Variants in ABCG2 observed in about 807,000 individuals in gnomAD.
ABCG2 encodes the protein ATP binding cassette subfamily G member 2 (JR blood group), also known as broad substrate specificity ATP-binding cassette transporter ABCG2.
A neutral mutation model predicts 73.5 loss-of-function variants in ABCG2; 80 were observed. The observed-to-expected ratio is 1.09, with a 90% CI of 0.91 to 1.31. ABCG2 has a LOEUF of 1.31. Ranked by LOEUF, ABCG2 falls within the 50% of genes most tolerant of loss-of-function variation. The pLI is 0.00. For missense variants in ABCG2, 796 were observed against 786.2 expected (o/e 1.01, Z -0.15); for synonymous variants, 269 against 282.4 (o/e 0.95, Z 0.48).
Position 88,095,629 on chromosome 4 carries a change from A to G in ABCG2, c.1648-20T>C, listed in dbSNP as rs1721933659. 1.3e-6 allele frequency: 2 copies of G among 1,598,884 alleles called. No homozygotes were observed. The highest frequency in any genetic ancestry group is 1.7e-6 in the Non-Finnish European group (2 of 1,166,444). ...AAAAATCTACAAAAAGCAAATACTAAAAGTCAGGCCTGCTTGAGTAATTTC... is the reference window on the plus strand; with the variant it reads ...AAAAATCTACAAAAAGCAAATACTAGAAGTCAGGCCTGCTTGAGTAATTTC... On this transcript the variant is annotated intron_variant, in intron 13 of 15. Transcript: ENST00000237612.
chr4:88,176,363 ATAAT>A lies in ABCG2; in HGVS notation c.-19-36353_-19-36350del, dbSNP rs1423901381. Among the ~76,000 whole-genome samples the A allele has an allele frequency of 4.0e-5, 6 of 151,670 alleles. No individual in the cohort carries two copies. The South Asian group carries it at 8.3e-4, about 21-fold the overall frequency. The stretch of plus-strand genomic sequence containing the variant: ...CATTTCCTCCTCTCCTGTTCTCTTT[ATAAT>A]TAATCTTTTTATTTATCTCATGTCA... On this transcript the variant is annotated intron_variant, in intron 1 of 15. Coordinates refer to the ABCG2 transcript ENST00000515655.
intron 1 of ABCG2, among the ~76,000 whole-genome samples, chr4:88,156,696 C>T (rs1003743447): frequency 6.6e-6 from 1 of 152,120 alleles, no homozygotes; most frequent in African/African-American, 2.4e-5. Context: ...ACATGTTCCA[C>T]AAATGGATGC....
chr4:88,226,472 G>A (rs56252439), intron 1 of ABCG2, among the ~76,000 whole-genome samples: 2,122 of 152,302 alleles, frequency 0.014, 25 homozygotes, highest in Non-Finnish European at 0.022. Context: ...CTATTGTAAA[G>A]TATAATTATT....
intron 1 of ABCG2, among the ~76,000 whole-genome samples, chr4:88,153,418 C>T (rs969416958): frequency 2.0e-5 from 3 of 151,894 alleles, no homozygotes; most frequent in South Asian, 2.1e-4. Flanking sequence ...AAGACAGGCC[C>T]GAATTCTGAG....
intron 1 of ABCG2, among the ~76,000 whole-genome samples, chr4:88,180,745 C>A (rs1728202820): frequency 2.0e-5 from 3 of 150,896 alleles, no homozygotes; most frequent in Admixed American, 2.0e-4. Flanking sequence ...AGAGTGAGAC[C>A]CTGTCTCAAA....
chr4:88,110,964 G>A (rs139209752), intron 9 of ABCG2, among the ~76,000 whole-genome samples: 1 of 152,306 alleles, frequency 6.6e-6, no homozygotes, highest in African/African-American at 2.4e-5. Flanking sequence ...TCTGAACATG[G>A]CTGGAATTCC....
intron 1 of ABCG2, among the ~76,000 whole-genome samples, chr4:88,153,970 C>T (rs200936769): frequency 1.3e-5 from 2 of 152,058 alleles, no homozygotes; most frequent in East Asian, 1.9e-4. Context: ...GGCAGGCTAG[C>T]GGCTTGTAAC....
chr4:88,162,452 AAATATTTT>A (rs1265546432), upstream of ABCG2, among the ~76,000 whole-genome samples: 1 of 152,172 alleles, frequency 6.6e-6, no homozygotes, highest in Non-Finnish European at 1.5e-5. Flanking sequence ...CTAATTTTAA[AAATATTTT>A]AGATTGTGAT....
At chr4:88,113,677 A>G (rs574035541) in intron 8 of ABCG2, 124 bp from the exon 9 acceptor site, 76 of 1,294,428 alleles carry the variant, frequency 5.9e-5, no homozygotes, top group Middle Eastern at 5.5e-4. Flanking sequence ...AGAAAGAAAA[A>G]ATAGGCCAGG....
chr4:88,125,163 G>A (rs1724300338), intron 5 of ABCG2, among the ~76,000 whole-genome samples: 1 of 151,142 alleles, frequency 6.6e-6, no homozygotes. Flanking sequence ...GTGGTGGCGG[G>A]CACCTGTAGT....
At chr4:88,186,280 G>A (rs1406416898) in intron 1 of ABCG2, among the ~76,000 whole-genome samples, 3 of 152,184 alleles carry the variant, frequency 2.0e-5, no homozygotes, top group Non-Finnish European at 4.4e-5. Flanking sequence ...AACTTCTCAT[G>A]TTCTCACTTG....
intron 6 of ABCG2, among the ~76,000 whole-genome samples, chr4:88,120,796 A>C (rs1245195058): frequency 1.3e-5 from 2 of 152,122 alleles, no homozygotes; most frequent in Non-Finnish European, 2.9e-5. Context: ...TTAATGATGA[A>C]ATGAGTTAAG....
chr4:88,158,910 A>G (rs570271090), upstream of ABCG2: 1 of 345,166 alleles, frequency 2.9e-6, no homozygotes, highest in South Asian at 2.1e-5. Context: ...AGCTGAACGC[A>G]GTGGCCCCTC....
At chr4:88,178,358 G>A (rs1728091749) in intron 1 of ABCG2, among the ~76,000 whole-genome samples, 1 of 152,132 alleles carries the variant, frequency 6.6e-6, no homozygotes, top group Admixed American at 6.5e-5. Flanking sequence ...GTCCTGGCAG[G>A]ATTTATCACC....
intron 2 of ABCG2, among the ~76,000 whole-genome samples, chr4:88,137,062 A>AAATAAAATAAAATAAAATAAAAT (rs1560703016): frequency 1.3e-5 from 2 of 149,924 alleles, no homozygotes; most frequent in Non-Finnish European, 3.0e-5. Flanking sequence ...AAATAAAATA[A>AAATAAAATAAAATAAAATAAAAT]GAATGAGGAG....
intron 1 of ABCG2, among the ~76,000 whole-genome samples, chr4:88,165,747 G>C (rs1006209569): frequency 1.3e-5 from 2 of 152,102 alleles, no homozygotes; most frequent in Non-Finnish European, 2.9e-5. Flanking sequence ...GGTGGCATGC[G>C]CCTGTAGTCC....
chr4:88,113,615 T>C (rs2110007443), intron 8 of ABCG2, 62 bp from the exon 9 acceptor site: 1 of 1,572,824 alleles, frequency 6.4e-7, no homozygotes, highest in East Asian at 2.2e-5. Flanking sequence ...AGCCCATTTT[T>C]TCTGTGAACC....
intron 5 of ABCG2, among the ~76,000 whole-genome samples, chr4:88,130,575 A>G (rs1286259355): frequency 6.6e-6 from 1 of 152,200 alleles, no homozygotes; most frequent in Non-Finnish European, 1.5e-5. Flanking sequence ...ACTGTCTTCC[A>G]TAAAACTGGT....
chr4:88,092,493 T>G (rs1721704146), intron 15 of ABCG2, 112 bp from the exon 16 acceptor site: 3 of 1,131,088 alleles, frequency 2.7e-6, no homozygotes, highest in Non-Finnish European at 3.8e-6. Flanking sequence ...CCTTTAATAA[T>G]TACCCCTTCA....
Sources: gnomAD v4.1 joint callset for allele counts (sites outside exome capture counted in the v4.1 genomes callset) on GRCh38, gnomAD v4.1.1 for gene constraint, MANE v1.5 for transcripts, NCBI Gene and HGNC (gene_info 2026-07-23, HGNC 2026-07-21) for gene names.